The following EPHB1 variants were observed in gnomAD, a reference collection of about 807,000 sequenced individuals.
EPHB1 encodes the protein EPH receptor B1.
In EPHB1, 30 loss-of-function variants were observed where a neutral mutation model predicts 94.4. The observed-to-expected ratio is 0.32, with a 90% CI of 0.24 to 0.43. EPHB1 has a LOEUF of 0.43. EPHB1 is among the 20% of genes least tolerant of loss of function. The probability of loss-of-function intolerance (pLI) is 1.00; values close to 1 mark genes in which losing one functional copy is unlikely to be tolerated. For synonymous variants in EPHB1, 522 were observed against 489.1 expected (o/e 1.07, Z -0.89); for missense variants, 1,055 against 1,308.3 (o/e 0.81, Z 2.99).
rs36199 is a variant in EPHB1, at chr3:134,916,882, C to T, written c.59-8934C>T. Among the ~76,000 whole-genome samples the T allele has an allele frequency of 6.7e-3, 1,020 of 152,320 alleles. 12 individuals are homozygous for T. Among genetic ancestry groups the T allele is most frequent in the African/African-American group, 0.024 (985 of 41,574 alleles). ...GCTGAGGCCGAGGAGGTACCAAGAG[C>T]GAGCAAGGGCTGCGAGGGCTGCCAG... On this transcript the variant is annotated intron_variant, in intron 1 of 15. Coordinates refer to ENST00000398015, the MANE Select transcript of EPHB1 (RefSeq NM_004441.5).
At chr3:135,157,276 G>A (rs1313335607) in intron 6 of EPHB1, among the ~76,000 whole-genome samples, 1 of 152,180 alleles carries the variant, frequency 6.6e-6, no homozygotes, top group African/African-American at 2.4e-5. Flanking sequence ...AGTCACTTCA[G>A]TGGGTAGCCA....
intron 1 of EPHB1, among the ~76,000 whole-genome samples, chr3:134,870,172 G>A (rs1424296505): frequency 1.3e-5 from 2 of 152,182 alleles, no homozygotes; most frequent in Admixed American, 6.5e-5. Flanking sequence ...GAGAGAAGGT[G>A]AGATCAGGCC....
At chr3:135,063,314 A>G (rs143562289) in intron 3 of EPHB1, among the ~76,000 whole-genome samples, 2,748 of 152,314 alleles carry the variant, frequency 0.018, 35 homozygotes, top group Middle Eastern at 0.027. Flanking sequence ...CTTCCCATCC[A>G]TGAGCATGGG....
chr3:135,185,774 C>T (rs1190573138), intron 10 of EPHB1, among the ~76,000 whole-genome samples: 1 of 152,194 alleles, frequency 6.6e-6, no homozygotes, highest in Non-Finnish European at 1.5e-5. Flanking sequence ...AAAAGAGCAG[C>T]TCAGTATACA....
At chr3:134,866,826 C>A (rs934663604) in intron 1 of EPHB1, among the ~76,000 whole-genome samples, 10 of 152,326 alleles carry the variant, frequency 6.6e-5, no homozygotes, top group Non-Finnish European at 1.2e-4. Context: ...ACATATGGGC[C>A]TAGCCCCGTT....
intron 15 of EPHB1, among the ~76,000 whole-genome samples, chr3:135,256,221 T>C (rs1933378406): frequency 6.6e-6 from 1 of 152,210 alleles, no homozygotes; most frequent in South Asian, 2.1e-4. Flanking sequence ...CATTTACGTT[T>C]AAAGTTAATA....
intron 6 of EPHB1, chr3:135,154,480 G>T: frequency 1.7e-6 from 1 of 588,960 alleles, no homozygotes; most frequent in South Asian, 2.5e-5. Context: ...TGCCAACTAA[G>T]GAGAGAAACT....
At chr3:134,816,053 A>AATGGCTTCCTGAACAGATAGAATAG (rs2036262248) in intron 1 of EPHB1, among the ~76,000 whole-genome samples, 1 of 150,666 alleles carries the variant, frequency 6.6e-6, no homozygotes, top group African/African-American at 2.5e-5. Flanking sequence ...CCTCTGAGGT[A>AATGGCTTCCTGAACAGATAGAATAG]CTTTTTTTCT....
At chr3:135,153,720 A>G (rs901978413) in intron 5 of EPHB1, among the ~76,000 whole-genome samples, 2 of 152,288 alleles carry the variant, frequency 1.3e-5, no homozygotes, top group Admixed American at 1.3e-4. Context: ...CTACTCTCTC[A>G]TTATCATCTC....
chr3:135,080,060 G>T (rs1392709329), intron 3 of EPHB1, among the ~76,000 whole-genome samples: 4 of 152,136 alleles, frequency 2.6e-5, no homozygotes, highest in Non-Finnish European at 4.4e-5. Context: ...CAATAATGAG[G>T]GATGGGCTAA....
intron 3 of EPHB1, 60 bp downstream of exon 3, chr3:134,952,112 C>A (rs1474624646): frequency 6.6e-7 from 1 of 1,509,586 alleles, no homozygotes; most frequent in African/African-American, 1.4e-5. Flanking sequence ...TGCAAGGTTT[C>A]CCCACCAATA....
At chr3:134,982,738 A>G (rs1449544574) in intron 3 of EPHB1, among the ~76,000 whole-genome samples, 5 of 152,240 alleles carry the variant, frequency 3.3e-5, no homozygotes, top group Non-Finnish European at 7.3e-5. Flanking sequence ...AGAAAGGGCT[A>G]CAAAGAAGGC....
Position 135,098,699 on chromosome 3 carries a change from T to G in EPHB1, c.806-7749T>G, listed in dbSNP as rs1938902867. ...AAGCTCTTAATACACATCAAATAAC[T>G]CTCCCAGGAAATGATAAGAATCCAC... is the stretch of plus-strand genomic sequence containing the variant. On this transcript the variant is annotated intron_variant, in intron 3 of 15. Transcript: ENST00000398015. Among the ~76,000 whole-genome samples the G allele has an allele frequency of 2.6e-5, 4 of 151,926 alleles. No individual in the cohort carries two copies. In the South Asian group the frequency reaches 8.3e-4, roughly 32 times the overall value.
intron 1 of EPHB1, among the ~76,000 whole-genome samples, chr3:134,911,729 C>T (rs2038459766): frequency 6.6e-6 from 1 of 152,164 alleles, no homozygotes; most frequent in South Asian, 2.1e-4. Flanking sequence ...TGGAGGGTAG[C>T]TGCATGGTGA....
intron 4 of EPHB1, among the ~76,000 whole-genome samples, chr3:135,114,704 T>C (rs960654198): frequency 1.3e-5 from 2 of 148,668 alleles, no homozygotes; most frequent in African/African-American, 5.0e-5. Context: ...GCCTGGATGA[T>C]AGAGCAAGAC....
In EPHB1 at chr3:135,192,680, C is replaced by T. The variant is rs778136807; in HGVS notation, c.1987C>T (p.Arg663Trp). ...GGCAGGGTACTCGGAGAAGCAGCGT[C>T]GGGACTTTCTGAGTGAGGCGAGCAT... ...LKAGYSEKQRRDFLSEASIMG... is the reference protein window; with the variant it reads ...LKAGYSEKQRWDFLSEASIMG... The change falls in exon 11 of 16, where the codon CGG (arginine) becomes TGG (tryptophan). Residue 663 changes from arginine (R) to tryptophan (W), a missense_variant. Physicochemically the swap from Arg to Trp is moderately radical, Grantham distance 101. Coordinates refer to ENST00000398015, the MANE Select transcript of EPHB1 (RefSeq NM_004441.5). The T allele has an allele frequency of 4.1e-5, 66 of 1,614,004 alleles. No individual in the cohort carries two copies. The highest frequency in any genetic ancestry group is 1.6e-4 in the Middle Eastern group (1 of 6,084).
intron 12 of EPHB1, among the ~76,000 whole-genome samples, chr3:135,230,002 CAA>C (rs1263402668): frequency 2.0e-5 from 3 of 152,174 alleles, no homozygotes; most frequent in African/African-American, 7.2e-5. Context: ...ACTGGTGTGG[CAA>C]ACAGACTGGC....
rs151090463 is a variant in EPHB1, at chr3:134,984,611, G to A, written c.805+32559G>A. Among the ~76,000 whole-genome samples, 1,022 of 151,468 alleles carry A rather than the reference G, an allele frequency of 6.7e-3. 15 individuals are homozygous for A. Among genetic ancestry groups the A allele is most frequent in the African/African-American group, 0.024 (971 of 41,302 alleles). On this transcript the variant is annotated intron_variant, in intron 3 of 15. Transcript: ENST00000398015. ...CCCAGAGAGGGAAGGGCCCTCACCT[G>A]GGCCCCAGAGAGGGAAGGGCCCTCA...
intron 2 of EPHB1, among the ~76,000 whole-genome samples, chr3:134,937,484 A>G (rs2039026122): frequency 6.6e-6 from 1 of 152,218 alleles, no homozygotes; most frequent in Non-Finnish European, 1.5e-5. Flanking sequence ...TCTTGTTTCC[A>G]AGACAGCTTT....
Sources: allele counts gnomAD v4.1 joint callset (sites outside exome capture counted in the v4.1 genomes callset), GRCh38; gene constraint gnomAD v4.1.1; transcripts MANE v1.5; gene names NCBI Gene and HGNC (gene_info 2026-07-23, HGNC 2026-07-21).